DIP2C: variants seen among roughly 807,000 people sequenced by gnomAD.
DIP2C encodes disco-interacting protein 2 homolog C.
A neutral mutation model predicts 192.4 loss-of-function variants in DIP2C; 33 were observed. That is an observed-to-expected ratio of 0.17 (90% CI 0.13 to 0.23). The LOEUF (loss-of-function observed/expected upper bound fraction) is 0.23, where lower values mean the gene tolerates loss of function less well. Among genes scored for constraint, DIP2C ranks in the 10% least tolerant of loss-of-function variants. The pLI is 1.00. For missense variants in DIP2C, 1,537 were observed against 2,110.1 expected, an observed-to-expected ratio of 0.73 and a Z score of 5.32; for synonymous variants, 979 against 864.1, an observed-to-expected ratio of 1.13 and a Z score of -2.33.
chr10:378,400 AAGAC>A (rs1589653854), intron 17 of DIP2C, among the ~76,000 whole-genome samples: 1 of 152,228 alleles, frequency 6.6e-6, no homozygotes, highest in East Asian at 1.9e-4. Context: ...TACACAGGTG[AAGAC>A]AGACATGAAG....
At chr10:385,539 A>G (rs114928229) in intron 14 of DIP2C, among the ~76,000 whole-genome samples, 2,411 of 152,270 alleles carry the variant, frequency 0.016, 54 homozygotes, top group African/African-American at 0.046. Context: ...AGAACCGCAC[A>G]CTGCTCTGAA....
chr10:501,296 C>T (rs1845205934), intron 1 of DIP2C, among the ~76,000 whole-genome samples: 2 of 151,306 alleles, frequency 1.3e-5, no homozygotes. Flanking sequence ...TCTTGCCCAA[C>T]CTTTATTAAG....
intron 1 of DIP2C, among the ~76,000 whole-genome samples, chr10:682,711 C>T (rs1467467641): frequency 6.6e-6 from 1 of 151,256 alleles, no homozygotes; most frequent in Non-Finnish European, 1.5e-5. Context: ...TATTACTTCT[C>T]TAATATATGA....
chr10:605,574 T>G lies in DIP2C; in HGVS notation c.85+83920A>C, dbSNP rs114300380. On this transcript the variant is annotated intron_variant, in intron 1 of 36. Transcript: ENST00000280886. The stretch of plus-strand genomic sequence containing the variant: ...CTGTGAAACTTTATTTTCCCCATTT[T>G]AGATGGAGTGTGAAGACTGTCAGCA... Among the ~76,000 whole-genome samples, 385 of 152,320 alleles carry G rather than the reference T, an allele frequency of 2.5e-3. 1 individual carries two copies. Among genetic ancestry groups the G allele is most frequent in the Middle Eastern group, 0.01 (3 of 292 alleles).
At position 423,004 on chromosome 10, in the gene DIP2C, A is replaced by T. The variant is rs1966309744; in HGVS notation, c.424T>A (p.Ser142Thr). 1 of 1,612,120 alleles carries T rather than the reference A, an allele frequency of 6.2e-7. No homozygotes were observed. Among genetic ancestry groups the T allele is most frequent in the Non-Finnish European group, 8.5e-7 (1 of 1,178,848 alleles). ...DTSSGSEDEGSVQGDSQGTPT... is the reference protein window; with the variant it reads ...DTSSGSEDEGTVQGDSQGTPT... The stretch of plus-strand genomic sequence containing the variant: ...GTGCCCTGGGAGTCCCCCTGCACTG[A>T]GCCTTCATCTTCTGAGCCAGAAGAG... Residue 142 changes from serine to threonine, a missense_variant, in exon 5 of 37, where the codon TCA becomes ACA. Ser to Thr is a moderately conservative substitution (Grantham distance 58). Coordinates refer to ENST00000280886, the MANE Select transcript of DIP2C (RefSeq NM_014974.3).
At chr10:288,467 G>C in intron 32 of DIP2C, 46 bp from the exon 33 acceptor site, 2 of 1,601,990 alleles carry the variant, frequency 1.2e-6, no homozygotes, top group Non-Finnish European at 1.7e-6. Context: ...TTGCTGTCCA[G>C]TTTTCCCCTT....
In DIP2C at chr10:636,969, G is replaced by A. The variant is rs1295557129; in HGVS notation, c.85+52525C>T. 6.6e-6 allele frequency among the ~76,000 whole-genome samples: 1 copy of A among 152,246 alleles called. No homozygotes were observed. ...GCGACCGGCACCACATGGGACTCGT[G>A]TGCACCAGCACCCACATCCCCGCAT... On this transcript the variant is annotated intron_variant, in intron 1 of 36. Coordinates refer to ENST00000280886, the MANE Select transcript of DIP2C (RefSeq NM_014974.3). This position sits in a 1 kb window ranked among gnomAD's most constrained non-coding sequence, Gnocchi z 4.6.
At chr10:565,936 T>G (rs1340241132) in intron 1 of DIP2C, among the ~76,000 whole-genome samples, 1 of 152,170 alleles carries the variant, frequency 6.6e-6, no homozygotes, top group Non-Finnish European at 1.5e-5. Flanking sequence ...GATTTGCTGT[T>G]TCAGATCCAC....
chr10:378,219 G>C (rs1214604746), intron 17 of DIP2C, among the ~76,000 whole-genome samples: 1 of 152,158 alleles, frequency 6.6e-6, no homozygotes, highest in Non-Finnish European at 1.5e-5. Flanking sequence ...GTTTTAAAGA[G>C]AAAAAAATAC....
At chr10:319,431 A>ACAAC (rs949212842) in intron 31 of DIP2C, among the ~76,000 whole-genome samples, 1 of 151,960 alleles carries the variant, frequency 6.6e-6, no homozygotes, top group African/African-American at 2.4e-5. Flanking sequence ...TAATAAATAA[A>ACAAC]CAACCGCGGT....
intron 1 of DIP2C, among the ~76,000 whole-genome samples, chr10:644,241 G>C (rs569719059): frequency 6.6e-6 from 1 of 152,372 alleles, no homozygotes; most frequent in South Asian, 2.1e-4. Context: ...GGGCCCAAGA[G>C]TGGGGATGGG....
intron 1 of DIP2C, among the ~76,000 whole-genome samples, chr10:495,490 C>T (rs1844761726): frequency 6.6e-6 from 1 of 152,002 alleles, no homozygotes. Context: ...CCTTCCCCTC[C>T]TCCTCCCTAA....
intron 1 of DIP2C, among the ~76,000 whole-genome samples, chr10:559,202 G>A (rs994021901): frequency 1.3e-5 from 2 of 152,182 alleles, no homozygotes; most frequent in Non-Finnish European, 2.9e-5. Context: ...GTACATCTCA[G>A]GTGAATCACT....
At chr10:475,318 C>T (rs1970973657) in intron 2 of DIP2C, among the ~76,000 whole-genome samples, 1 of 152,222 alleles carries the variant, frequency 6.6e-6, no homozygotes, top group Admixed American at 6.5e-5. Context: ...TTCTCTTGTG[C>T]TGTGGACTTA....
Position 651,644 on chromosome 10 carries a change from T to A in DIP2C, c.85+37850A>T, listed in dbSNP as rs545823249. The A allele has an allele frequency of 2.8e-6, 1 of 351,512 alleles. No individual in the cohort carries two copies. The highest frequency in any genetic ancestry group is 5.5e-6 in the Non-Finnish European group (1 of 180,464). The allele number at this position is 351,512 out of a possible 1,614,324, so 21.8% of individuals were successfully genotyped here. ...AAGGCTCTGAGGCCAACTTTGAACA[T>A]TTATTTGAGTGAATTCACGTCCCCC... On this transcript the variant is annotated intron_variant, in intron 1 of 36. Transcript: ENST00000280886. The surrounding 1 kb of genome is among the most constrained non-coding windows in gnomAD (Gnocchi z 4.1).
At chr10:643,455 A>G (rs998760538) in intron 1 of DIP2C, among the ~76,000 whole-genome samples, 12 of 152,046 alleles carry the variant, frequency 7.9e-5, no homozygotes, top group Non-Finnish European at 1.8e-4. Flanking sequence ...CGGAGCCTGC[A>G]GTGAACTGAG....
intron 1 of DIP2C, among the ~76,000 whole-genome samples, chr10:521,873 C>A (rs1173298312): frequency 1.3e-5 from 2 of 152,150 alleles, no homozygotes; most frequent in Non-Finnish European, 2.9e-5. Flanking sequence ...CAGCCTCCAT[C>A]ATTCCCCCAC....
Position 651,230 on chromosome 10 carries a change from A to G in DIP2C, c.85+38264T>C, listed in dbSNP as rs1855874975. ...CCCTGTCCTCACCTGCATCACACCA[A>G]TGATGGCGTCACAGCGTGGGTTCCG... On this transcript the variant is annotated intron_variant, in intron 1 of 36. Coordinates refer to ENST00000280886, the MANE Select transcript of DIP2C (RefSeq NM_014974.3). This position sits in a 1 kb window ranked among gnomAD's most constrained non-coding sequence, Gnocchi z 4.1. 2 of 716,944 alleles carry G rather than the reference A, an allele frequency of 2.8e-6. No individual in the cohort carries two copies. Among genetic ancestry groups the G allele is most frequent in the Non-Finnish European group, 5.2e-6 (2 of 385,110 alleles). The allele number at this position is 716,944 out of a possible 1,614,324, so 44.4% of individuals were successfully genotyped here. A position where few individuals can be genotyped will look rare whatever the true frequency, so the allele number is the denominator to read the frequency against.
At position 394,114 on chromosome 10, in the gene DIP2C, A is replaced by AC. The variant is rs201545329; in HGVS notation, c.1261-3252dup. ...AGGAATCCAGATTATCGGCATCCCTACATTCACTGGAGTGTTATCCACAAG... is the reference window on the plus strand; with the variant it reads ...AGGAATCCAGATTATCGGCATCCCTACCATTCACTGGAGTGTTATCCACAAG... On this transcript the variant is annotated intron_variant, in intron 10 of 36. Transcript: ENST00000280886. Among the ~76,000 whole-genome samples the AC allele has an allele frequency of 3.2e-3, 493 of 152,374 alleles. 11 individuals are homozygous for AC. The highest frequency in any genetic ancestry group is 0.03 in the Admixed American group (458 of 15,298).
Sources: allele counts gnomAD v4.1 joint callset (sites outside exome capture counted in the v4.1 genomes callset), GRCh38; gene constraint gnomAD v4.1.1; non-coding constraint Gnocchi (gnomAD v3.1); transcripts MANE v1.5; gene names NCBI Gene and HGNC (gene_info 2026-07-23, HGNC 2026-07-21).